The following MYRIP variants were observed in gnomAD, a reference collection of about 807,000 sequenced individuals.
MYRIP encodes myosin VIIA and Rab interacting protein.
In MYRIP, 49 loss-of-function variants were observed where a neutral mutation model predicts 98.0. That is an observed-to-expected ratio of 0.50 (90% CI 0.40 to 0.63). The LOEUF is 0.63. MYRIP is among the 30% of genes least tolerant of loss of function. MYRIP has a pLI of 0.00. For missense variants in MYRIP, 1,004 were observed against 1,058.2 expected (o/e 0.95, Z 0.71); for synonymous variants, 404 against 409.5 (o/e 0.99, Z 0.16).
intron 2 of MYRIP, among the ~76,000 whole-genome samples, chr3:39,978,638 T>C (rs1443229665): frequency 6.6e-6 from 1 of 152,256 alleles, no homozygotes; most frequent in Non-Finnish European, 1.5e-5. Flanking sequence ...CCTGACCATG[T>C]GCTGATTGGG....
chr3:40,058,457 T>TTAATCA (rs1365085109), intron 3 of MYRIP, among the ~76,000 whole-genome samples: 1 of 152,224 alleles, frequency 6.6e-6, no homozygotes, highest in Admixed American at 6.5e-5. Flanking sequence ...CTCAAAAGTT[T>TTAATCA]TAATCATCAA....
chr3:40,167,563 C>T (rs1373400116), intron 7 of MYRIP, among the ~76,000 whole-genome samples: 2 of 152,180 alleles, frequency 1.3e-5, no homozygotes, highest in Non-Finnish European at 2.9e-5. Context: ...AATTCTCCAA[C>T]ACCAACTGAG....
intron 2 of MYRIP, among the ~76,000 whole-genome samples, chr3:39,914,425 G>C (rs1383277505): frequency 6.6e-6 from 1 of 152,048 alleles, no homozygotes; most frequent in Non-Finnish European, 1.5e-5. Context: ...TTACCAAAAT[G>C]TCTGGTCATT....
intron 2 of MYRIP, among the ~76,000 whole-genome samples, chr3:39,935,282 T>G (rs1195249478): frequency 6.6e-6 from 1 of 152,142 alleles, no homozygotes; most frequent in African/African-American, 2.4e-5. Context: ...GGAGGGTGAC[T>G]GTCAGTTTTG....
chr3:39,900,193 A>G (rs1943710897), intron 1 of MYRIP, among the ~76,000 whole-genome samples: 3 of 152,184 alleles, frequency 2.0e-5, no homozygotes. Flanking sequence ...TCCCTACAAT[A>G]TCATCTTTGC....
chr3:39,887,391 G>C (rs113811478), intron 1 of MYRIP, among the ~76,000 whole-genome samples: 4 of 152,102 alleles, frequency 2.6e-5, no homozygotes, highest in Non-Finnish European at 5.9e-5. Flanking sequence ...AAAAATTAAG[G>C]AATCCAGGAG....
At chr3:39,840,838 T>A (rs927989103) in intron 1 of MYRIP, among the ~76,000 whole-genome samples, 5 of 152,232 alleles carry the variant, frequency 3.3e-5, no homozygotes, top group African/African-American at 4.8e-5. Flanking sequence ...CTGCTGTTAG[T>A]CTGATGAGCT....
chr3:40,136,979 G>A (rs1177560361), intron 3 of MYRIP, among the ~76,000 whole-genome samples: 14 of 152,140 alleles, frequency 9.2e-5, no homozygotes, highest in South Asian at 8.3e-4. Flanking sequence ...AAGAACTAGA[G>A]AAGCAAGAGC....
chr3:39,886,216 A>G (rs1445791310), intron 1 of MYRIP, among the ~76,000 whole-genome samples: 1 of 152,074 alleles, frequency 6.6e-6, no homozygotes, highest in African/African-American at 2.4e-5. Flanking sequence ...AACAACCGGT[A>G]CCAGCCACTG....
chr3:40,090,849 T>C (rs1474465882), intron 3 of MYRIP, among the ~76,000 whole-genome samples: 1 of 152,142 alleles, frequency 6.6e-6, no homozygotes, highest in African/African-American at 2.4e-5. Context: ...TGTACTGTAG[T>C]TTGGTGGGCT....
In MYRIP at chr3:40,044,187, AT is replaced by A. The variant is rs759520664; in HGVS notation, c.250del (p.Cys84AlafsTer30). ...FLVNTKRQCG[D>X]CKFNVCKSCC... ...GTCAACACCAAGCGCCAGTGTGGAG[AT>A]TGCAAATTCAATGTCTGCAAGAGCT... On this transcript the variant is annotated frameshift_variant, in exon 3 of 17. Coordinates refer to ENST00000302541, the MANE Select transcript of MYRIP (RefSeq NM_015460.4). LOFTEE classifies it high-confidence loss of function. 1 of 1,614,140 alleles carries A rather than the reference AT, an allele frequency of 6.2e-7. No homozygotes were observed. The highest frequency in any genetic ancestry group is 8.5e-7 in the Non-Finnish European group (1 of 1,180,008).
At chr3:40,103,641 C>T (rs148057016) in intron 3 of MYRIP, among the ~76,000 whole-genome samples, 1,687 of 152,258 alleles carry the variant, frequency 0.011, 31 homozygotes, top group African/African-American at 0.039. Flanking sequence ...CACCTGTAAT[C>T]CCAACTACTT....
chr3:40,215,227 C>T (rs1952079756), intron 11 of MYRIP, among the ~76,000 whole-genome samples: 1 of 151,952 alleles, frequency 6.6e-6, no homozygotes, highest in Admixed American at 6.6e-5. Context: ...GCTTTATTTT[C>T]ACAAGGGAGT....
At chr3:39,938,513 A>G (rs530581241) in intron 2 of MYRIP, among the ~76,000 whole-genome samples, 2 of 152,146 alleles carry the variant, frequency 1.3e-5, no homozygotes, top group South Asian at 2.1e-4. Context: ...TAGGTCATAG[A>G]GAATGCATGT....
At chr3:39,809,254 G>C (rs555812163), upstream of MYRIP, among the ~76,000 whole-genome samples, 1 of 152,078 alleles carries the variant, frequency 6.6e-6, no homozygotes, top group African/African-American at 2.4e-5. Flanking sequence ...CTTAGAATCG[G>C]GGAAGGACCT....
chr3:40,118,751 C>A (rs553427424), intron 3 of MYRIP, among the ~76,000 whole-genome samples: 15 of 151,998 alleles, frequency 9.9e-5, no homozygotes, highest in East Asian at 9.7e-4. Context: ...ATCCCTCCCC[C>A]CTCCTCCCGC....
chr3:39,812,656 A>T (rs936902964), intron 1 of MYRIP, among the ~76,000 whole-genome samples: 1 of 152,272 alleles, frequency 6.6e-6, no homozygotes, highest in African/African-American at 2.4e-5. Context: ...AGTATTTTGA[A>T]TTCCTCAAAG....
At chr3:40,083,866 G>A (rs530479034) in intron 3 of MYRIP, among the ~76,000 whole-genome samples, 6 of 152,104 alleles carry the variant, frequency 3.9e-5, no homozygotes, top group South Asian at 2.1e-4. Flanking sequence ...GGCCGGGCGC[G>A]GTGGCTCACG....
intron 3 of MYRIP, among the ~76,000 whole-genome samples, chr3:40,106,912 A>G (rs1401520240): frequency 6.7e-6 from 1 of 150,228 alleles, no homozygotes; most frequent in African/African-American, 2.5e-5. Context: ...AATCTTCTCT[A>G]TGACTTTTTT....
Sources: gnomAD v4.1 joint callset for allele counts (sites outside exome capture counted in the v4.1 genomes callset) on GRCh38, gnomAD v4.1.1 for gene constraint, MANE v1.5 for transcripts, NCBI Gene and HGNC (gene_info 2026-07-23, HGNC 2026-07-21) for gene names.